Variants in HS6ST3 observed in about 807,000 individuals in gnomAD.
HS6ST3 encodes the protein heparan sulfate 6-O-sulfotransferase 3.
A neutral mutation model predicts 36.7 loss-of-function variants in HS6ST3; 12 were observed. The observed-to-expected ratio is 0.33, with a 90% confidence interval of 0.21 to 0.53. HS6ST3 has a LOEUF of 0.53. Ranked by LOEUF, HS6ST3 falls within the 20% of genes least tolerant of loss-of-function variation. HS6ST3 has a pLI of 0.95. For synonymous variants in HS6ST3, 240 were observed against 257.5 expected (o/e 0.93, Z 0.65); for missense variants, 584 against 640.9 (o/e 0.91, Z 0.96).
intron 1 of HS6ST3, among the ~76,000 whole-genome samples, chr13:96,520,659 G>A (rs1419935971): frequency 2.0e-5 from 3 of 152,140 alleles, no homozygotes; most frequent in East Asian, 3.8e-4. Flanking sequence ...TCTGTTATTG[G>A]TGTATAGGAA....
intron 1 of HS6ST3, among the ~76,000 whole-genome samples, chr13:96,190,964 T>C (rs1328341800): frequency 1.3e-5 from 2 of 152,128 alleles, no homozygotes; most frequent in Non-Finnish European, 2.9e-5. Context: ...CCAGACATGA[T>C]AGGCTATGAA....
chr13:96,660,824 ATTT>A (rs2056643739), intron 1 of HS6ST3, among the ~76,000 whole-genome samples: 1 of 152,132 alleles, frequency 6.6e-6, no homozygotes, highest in Non-Finnish European at 1.5e-5. Context: ...AGAGACTGAC[ATTT>A]GAGTCAGTGG....
intron 1 of HS6ST3, among the ~76,000 whole-genome samples, chr13:96,803,620 G>T (rs989418122): frequency 6.6e-6 from 1 of 152,170 alleles, no homozygotes; most frequent in African/African-American, 2.4e-5. Context: ...TTGGAACTCA[G>T]TATATCCTGG....
At chr13:96,532,219 A>C (rs2056138433) in intron 1 of HS6ST3, among the ~76,000 whole-genome samples, 1 of 152,238 alleles carries the variant, frequency 6.6e-6, no homozygotes, top group South Asian at 2.1e-4. Flanking sequence ...TTTGATGGGG[A>C]ATAACGGGCA....
chr13:96,802,774 T>A (rs1432011731), intron 1 of HS6ST3, among the ~76,000 whole-genome samples: 1 of 152,216 alleles, frequency 6.6e-6, no homozygotes, highest in African/African-American at 2.4e-5. Context: ...GTGACCCAGA[T>A]GCCCTGTGCT....
chr13:96,773,286 C>T (rs1324258996), intron 1 of HS6ST3, among the ~76,000 whole-genome samples: 4 of 152,138 alleles, frequency 2.6e-5, no homozygotes, highest in Non-Finnish European at 4.4e-5. Flanking sequence ...TTTTTTCATA[C>T]CCCAGTAGCG....
chr13:96,427,987 A>G (rs1421229353), intron 1 of HS6ST3, among the ~76,000 whole-genome samples: 1 of 152,160 alleles, frequency 6.6e-6, no homozygotes, highest in Non-Finnish European at 1.5e-5. Context: ...TACCCTTTTC[A>G]ATATGAGGGG....
chr13:96,731,313 C>T (rs1274628165), intron 1 of HS6ST3, among the ~76,000 whole-genome samples: 2 of 152,126 alleles, frequency 1.3e-5, no homozygotes, highest in African/African-American at 4.8e-5. Flanking sequence ...TTTCATATTC[C>T]ATATAAATGA....
Position 96,165,571 on chromosome 13 carries a change from T to G in HS6ST3, c.707+74002T>G, listed in dbSNP as rs537388480. 1.4e-4 allele frequency among the ~76,000 whole-genome samples: 22 copies of G among 152,326 alleles called. No homozygotes were observed. The South Asian group carries it at 4.6e-3, about 32-fold the overall frequency. ...GCAACTGCAGAGATGTAGTAGCTCT[T>G]GTTCCTCCTACATGTGTGCAAATGG... is the stretch of plus-strand genomic sequence containing the variant. On this transcript the variant is annotated intron_variant, in intron 1 of 1. Transcript: ENST00000376705.
intron 1 of HS6ST3, among the ~76,000 whole-genome samples, chr13:96,232,314 G>T (rs770500663): frequency 6.6e-6 from 1 of 152,062 alleles, no homozygotes; most frequent in Non-Finnish European, 1.5e-5. Flanking sequence ...TGAAAGCTTC[G>T]CTGGTTGTGA....
intron 1 of HS6ST3, among the ~76,000 whole-genome samples, chr13:96,346,761 A>C (rs2055157589): frequency 6.6e-6 from 1 of 152,128 alleles, no homozygotes; most frequent in South Asian, 2.1e-4. Flanking sequence ...GATGGCGCCC[A>C]GAGATTCCAG....
intron 1 of HS6ST3, among the ~76,000 whole-genome samples, chr13:96,683,614 A>C (rs1389909073): frequency 6.6e-6 from 1 of 152,112 alleles, no homozygotes; most frequent in Non-Finnish European, 1.5e-5. Flanking sequence ...TATTTGGCTA[A>C]GAAATTGCTT....
chr13:96,769,511 C>T (rs1877205330), intron 1 of HS6ST3, among the ~76,000 whole-genome samples: 1 of 140,400 alleles, frequency 7.1e-6, no homozygotes, highest in Non-Finnish European at 1.5e-5. Flanking sequence ...TTAATGCAGA[C>T]ATACATTCTA....
chr13:96,442,795 G>T (rs2055679402), intron 1 of HS6ST3, among the ~76,000 whole-genome samples: 1 of 135,874 alleles, frequency 7.4e-6, no homozygotes. Flanking sequence ...AAAAAAAAAA[G>T]TCTGAGAACA....
chr13:96,580,511 A>G (rs1489353973), intron 1 of HS6ST3, among the ~76,000 whole-genome samples: 2 of 152,014 alleles, frequency 1.3e-5, no homozygotes, highest in South Asian at 2.1e-4. Context: ...TTAGGAAAAC[A>G]CAGATTGTTT....
chr13:96,569,359 A>G (rs1283826209), intron 1 of HS6ST3, among the ~76,000 whole-genome samples: 1 of 152,166 alleles, frequency 6.6e-6, no homozygotes, highest in African/African-American at 2.4e-5. Context: ...CCTTGGAATT[A>G]GGCCAGCCAC....
chr13:96,283,461 C>A (rs1168376914), intron 1 of HS6ST3, among the ~76,000 whole-genome samples: 2 of 152,122 alleles, frequency 1.3e-5, no homozygotes, highest in Non-Finnish European at 2.9e-5. Context: ...AACAGGAACA[C>A]CTGTGAATCC....
rs182732372 is a variant in HS6ST3, at chr13:96,714,903, T to C, written c.708-117587T>C. ...TTCTTTTGTTGTAGAGACAGGGTCT[T>C]GCTATTTTGCCCAGGCTGGTCTTAA... is the stretch of plus-strand genomic sequence containing the variant. On this transcript the variant is annotated intron_variant, in intron 1 of 1. Coordinates refer to ENST00000376705, the MANE Select transcript of HS6ST3 (RefSeq NM_153456.4). 1.0e-3 allele frequency among the ~76,000 whole-genome samples: 159 copies of C among 152,088 alleles called. 1 individual carries two copies. The highest frequency in any genetic ancestry group is 6.8e-3 in the Middle Eastern group (2 of 294).
In HS6ST3 at chr13:96,453,175, CT is replaced by C. The variant is rs199808970; in HGVS notation, c.707+361611del. On this transcript the variant is annotated intron_variant, in intron 1 of 1. Transcript: ENST00000376705. ...AACCATTGCCCTGGAGGAAAATGCT[CT>C]TTTTAAAAAAAAAAAAAAAAGAAAA... 2.0e-4 allele frequency among the ~76,000 whole-genome samples: 28 copies of C among 142,348 alleles called. 1 individual carries two copies. Among genetic ancestry groups the C allele is most frequent in the Non-Finnish European group, 2.7e-4 (18 of 65,472 alleles). 93.4% of individuals were successfully genotyped at this position (142,348 alleles called of 152,430 possible). A position where few individuals can be genotyped will look rare whatever the true frequency, so the allele number is the denominator to read the frequency against.
Sources: allele counts gnomAD v4.1 joint callset (sites outside exome capture counted in the v4.1 genomes callset), GRCh38; gene constraint gnomAD v4.1.1; transcripts MANE v1.5; gene names NCBI Gene and HGNC (gene_info 2026-07-23, HGNC 2026-07-21).